ANO6: variants seen among roughly 807,000 people sequenced by gnomAD.
ANO6 encodes the protein anoctamin 6, also known as anoctamin-6.
ANO6 carries 106 observed loss-of-function variants against 117.5 expected under a neutral mutation model. The ratio of observed to expected loss-of-function variants is 0.90; its 90% CI spans 0.77 to 1.06. The LOEUF (loss-of-function observed/expected upper bound fraction) is 1.06. ANO6 is among the 50% of genes least tolerant of loss of function. The pLI is 0.00. For missense variants in ANO6, 955 were observed against 1,121.1 expected (o/e 0.85, Z 2.12); for synonymous variants, 367 against 385.1 (o/e 0.95, Z 0.55).
At chr12:45,337,682 C>T (rs1171625644) in intron 3 of ANO6, among the ~76,000 whole-genome samples, 1 of 151,854 alleles carries the variant, frequency 6.6e-6, no homozygotes, top group African/African-American at 2.4e-5. Context: ...TCAAAGGATA[C>T]AAAATTTTAG....
intron 1 of ANO6, among the ~76,000 whole-genome samples, chr12:45,233,842 G>C (rs1182780438): frequency 6.6e-6 from 1 of 152,118 alleles, no homozygotes; most frequent in Non-Finnish European, 1.5e-5. Context: ...GCCCATTCTT[G>C]AGCTTCGTTC....
chr12:45,403,277 A>C (rs768615368), intron 14 of ANO6, 36 bp downstream of exon 14: 1 of 1,606,264 alleles, frequency 6.2e-7, no homozygotes, highest in Non-Finnish European at 8.5e-7. Flanking sequence ...TGCCAGTTTA[A>C]GCTGAGTTTT....
At chr12:45,264,547 G>C (rs138031104) in intron 1 of ANO6, among the ~76,000 whole-genome samples, 8 of 152,316 alleles carry the variant, frequency 5.3e-5, no homozygotes, top group African/African-American at 1.9e-4. Flanking sequence ...GTGGCAACCT[G>C]TCATGGACCA....
intron 17 of ANO6, among the ~76,000 whole-genome samples, chr12:45,419,219 AAC>A (rs772740822): frequency 1.1e-4 from 17 of 152,350 alleles, no homozygotes; most frequent in Non-Finnish European, 2.1e-4. Context: ...TGGGAAATGA[AAC>A]ACACTGCATT....
At chr12:45,426,030 G>A (rs943360042) in intron 19 of ANO6, among the ~76,000 whole-genome samples, 1 of 152,188 alleles carries the variant, frequency 6.6e-6, no homozygotes, top group South Asian at 2.1e-4. Flanking sequence ...CAGCATTGAA[G>A]GAAATGACGT....
intron 9 of ANO6, among the ~76,000 whole-genome samples, chr12:45,369,125 A>G (rs1385114114): frequency 1.3e-5 from 2 of 152,192 alleles, no homozygotes; most frequent in African/African-American, 2.4e-5. Flanking sequence ...GGTGTTGTCA[A>G]CAGATGGATT....
intron 2 of ANO6, among the ~76,000 whole-genome samples, chr12:45,306,152 A>G (rs761219891): frequency 1.2e-4 from 19 of 152,136 alleles, no homozygotes; most frequent in Admixed American, 2.6e-4. Flanking sequence ...AAGGAAAGAG[A>G]AGGCCAAGGA....
chr12:45,281,351 T>G (rs1017434188), intron 1 of ANO6, among the ~76,000 whole-genome samples: 5 of 152,186 alleles, frequency 3.3e-5, no homozygotes, highest in Non-Finnish European at 7.3e-5. Context: ...ATTCTTGTGT[T>G]GCTGTAAAGG....
chr12:45,247,820 A>G (rs568411167), intron 1 of ANO6, among the ~76,000 whole-genome samples: 22 of 152,290 alleles, frequency 1.4e-4, no homozygotes, highest in South Asian at 4.1e-4. Flanking sequence ...TCTAATCCCA[A>G]TGACCTTCCA....
intron 1 of ANO6, among the ~76,000 whole-genome samples, chr12:45,220,283 T>C (rs1947377175): frequency 6.6e-6 from 1 of 151,536 alleles, no homozygotes; most frequent in African/African-American, 2.4e-5. Context: ...GGTAGTTTAC[T>C]GTCTGATCCC....
At position 45,247,331 on chromosome 12, in the gene ANO6, T is replaced by G. The variant is rs79814406; in HGVS notation, c.70+30940T>G. 8.3e-3 allele frequency among the ~76,000 whole-genome samples: 1,265 copies of G among 152,330 alleles called. 17 individuals carry two copies. Among genetic ancestry groups the G allele is most frequent in the African/African-American group, 0.029 (1,216 of 41,564 alleles). ...CATAAAGACAGCAACATATATTAAG[T>G]GCCAGGCATAATTATAAATACGTGT... On this transcript the variant is annotated intron_variant, in intron 1 of 19. Coordinates refer to ENST00000320560, the MANE Select transcript of ANO6 (RefSeq NM_001025356.3).
chr12:45,315,059 T>A lies in ANO6; in HGVS notation c.150+12966T>A, dbSNP rs79769086. On this transcript the variant is annotated intron_variant, in intron 2 of 19. Transcript: ENST00000320560. ...TGTAGAAATGTTGGACTAAAGAGTT[T>A]GGGCTTTTGAGCAGAAGAGAGAAAG... is the stretch of plus-strand genomic sequence containing the variant. 1.8e-4 allele frequency among the ~76,000 whole-genome samples: 27 copies of A among 152,136 alleles called. No homozygotes were observed. The East Asian group carries it at 4.7e-3, about 26-fold the overall frequency.
rs1941719143 is a variant in ANO6 at position 45,367,619 on chromosome 12, G to A, written c.999-69G>A. The A allele has an allele frequency of 6.4e-6, 8 of 1,242,148 alleles. No individual in the cohort carries two copies. The Admixed American group carries it at 1.4e-4, about 22-fold the overall frequency. 76.9% of individuals were successfully genotyped at this position (1,242,148 alleles called of 1,614,324 possible). A position where few individuals can be genotyped will look rare whatever the true frequency, so the allele number is the denominator to read the frequency against. On this transcript the variant is annotated intron_variant, in intron 8 of 19. Coordinates refer to ENST00000320560, the MANE Select transcript of ANO6 (RefSeq NM_001025356.3). ...TCGGTTTAGTTTTGTTTCTTATTGT[G>A]AATGGATATTAGATTTTATCATGCT...
chr12:45,246,834 G>A (rs772604456), intron 1 of ANO6, among the ~76,000 whole-genome samples: 4 of 149,654 alleles, frequency 2.7e-5, no homozygotes, highest in Admixed American at 1.3e-4. Context: ...GCGCTGTCTC[G>A]GCTCATTGCA....
chr12:45,246,080 C>A (rs903553413), intron 1 of ANO6, among the ~76,000 whole-genome samples: 1 of 152,132 alleles, frequency 6.6e-6, no homozygotes, highest in African/African-American at 2.4e-5. Context: ...GCTTAAAGCA[C>A]TGAATTGCCA....
At chr12:45,436,091 T>G (rs141046376), downstream of ANO6, among the ~76,000 whole-genome samples, 3 of 152,278 alleles carry the variant, frequency 2.0e-5, no homozygotes, top group East Asian at 3.9e-4. Context: ...TCTCTAACAA[T>G]TGGCCCAGTA....
intron 1 of ANO6, among the ~76,000 whole-genome samples, chr12:45,277,760 G>A (rs1386713901): frequency 1.3e-5 from 2 of 152,032 alleles, no homozygotes; most frequent in African/African-American, 2.4e-5. Flanking sequence ...ACTTTCAGGA[G>A]TTGCTCTTGA....
chr12:45,410,791 A>G (rs1005977456), intron 16 of ANO6, among the ~76,000 whole-genome samples: 1 of 152,240 alleles, frequency 6.6e-6, no homozygotes, highest in Non-Finnish European at 1.5e-5. Flanking sequence ...ATCACATTCT[A>G]TATATAAAAT....
chr12:45,364,175 G>A (rs1434189071), intron 8 of ANO6, among the ~76,000 whole-genome samples: 22 of 152,120 alleles, frequency 1.4e-4, no homozygotes, highest in African/African-American at 4.8e-4. Flanking sequence ...TCTTACTGAG[G>A]ACCCTTTATA....
Sources: allele counts gnomAD v4.1 joint callset (sites outside exome capture counted in the v4.1 genomes callset), GRCh38; gene constraint gnomAD v4.1.1; transcripts MANE v1.5; gene names NCBI Gene and HGNC (gene_info 2026-07-23, HGNC 2026-07-21).